Variants in RBM26 observed in about 807,000 individuals in gnomAD.
RBM26 encodes RNA binding motif protein 26.
Under a neutral mutation model 123.6 loss-of-function variants are expected in RBM26, and 30 were observed. The ratio of observed to expected loss-of-function variants is 0.24; its 90% CI spans 0.18 to 0.33. RBM26 has a LOEUF of 0.33. RBM26 is among the 10% of genes least tolerant of loss of function. The pLI is 1.00. For missense variants in RBM26, 947 were observed against 1,203.6 expected (o/e 0.79, Z 3.15); for synonymous variants, 400 against 404.4 (o/e 0.99, Z 0.13).
At chr13:79,362,403 T>A (rs544319224) in intron 9 of RBM26, among the ~76,000 whole-genome samples, 2 of 152,194 alleles carry the variant, frequency 1.3e-5, no homozygotes, top group African/African-American at 4.8e-5. Flanking sequence ...TCTAAAATTC[T>A]GTAAATGCTT....
intron 20 of RBM26, among the ~76,000 whole-genome samples, chr13:79,331,322 A>G (rs1413340968): frequency 6.6e-6 from 1 of 152,002 alleles, no homozygotes; most frequent in African/African-American, 2.4e-5. Flanking sequence ...CTTTTGATAT[A>G]AAAAATTGTA....
chr13:79,402,196 A>G (rs2079109065), intron 1 of RBM26, among the ~76,000 whole-genome samples: 1 of 152,144 alleles, frequency 6.6e-6, no homozygotes, highest in African/African-American at 2.4e-5. Flanking sequence ...AAAGACTAAC[A>G]TTTAGTTTCA....
chr13:79,386,478 A>G (rs961250276), intron 1 of RBM26, among the ~76,000 whole-genome samples: 5 of 151,532 alleles, frequency 3.3e-5, no homozygotes, highest in African/African-American at 1.2e-4. Flanking sequence ...TAACAAAACC[A>G]AAGTAAAAGT....
intron 3 of RBM26, chr13:79,376,842 C>A (rs2076703421): frequency 6.6e-6 from 1 of 152,580 alleles, no homozygotes; most frequent in Non-Finnish European, 1.5e-5. Context: ...AGGCTGGCTC[C>A]TGGGCACTTT....
intron 18 of RBM26, 121 bp from the exon 19 acceptor site, chr13:79,337,423 A>G: frequency 1.8e-6 from 2 of 1,126,224 alleles, no homozygotes; most frequent in Non-Finnish European, 2.5e-6. Flanking sequence ...AATGCCCTAT[A>G]AAAGGATCAC....
In RBM26 at chr13:79,396,652, A is replaced by G. The variant is rs551639769; in HGVS notation, c.71+9052T>C. ...CAGTCCCAGATGGCTTCACTGGTGA[A>G]GGATCCCAAAAATTTTAAGGAAAAA... On this transcript the variant is annotated intron_variant, in intron 1 of 21. Coordinates refer to ENST00000438737, the MANE Select transcript of RBM26 (RefSeq NM_001366735.2). 5.3e-5 allele frequency among the ~76,000 whole-genome samples: 8 copies of G among 151,030 alleles called. No homozygotes were observed. The South Asian group carries it at 1.7e-3, about 32-fold the overall frequency.
At chr13:79,366,429 T>C (rs138464467) in intron 7 of RBM26, among the ~76,000 whole-genome samples, 79 of 152,328 alleles carry the variant, frequency 5.2e-4, no homozygotes, top group Non-Finnish European at 9.0e-4. Context: ...TATACTTAAT[T>C]CACAGGGTCA....
chr13:79,325,091 G>C (rs1217099193), intron 20 of RBM26, among the ~76,000 whole-genome samples: 1 of 152,028 alleles, frequency 6.6e-6, no homozygotes, highest in Non-Finnish European at 1.5e-5. Flanking sequence ...GGTGATACTG[G>C]TGTAAACAAA....
chr13:79,329,404 C>T (rs1035313343), intron 20 of RBM26, among the ~76,000 whole-genome samples: 6 of 151,522 alleles, frequency 4.0e-5, no homozygotes, highest in African/African-American at 1.5e-4. Flanking sequence ...GTGATGGTAA[C>T]ATACTTAATA....
intron 18 of RBM26, among the ~76,000 whole-genome samples, chr13:79,340,438 T>C (rs2071179652): frequency 6.6e-6 from 1 of 152,034 alleles, no homozygotes; most frequent in Non-Finnish European, 1.5e-5. Flanking sequence ...AGCTAAATAA[T>C]CTAAAGTATA....
intron 9 of RBM26, among the ~76,000 whole-genome samples, chr13:79,362,821 A>G (rs2074856867): frequency 6.6e-6 from 1 of 152,194 alleles, no homozygotes; most frequent in African/African-American, 2.4e-5. Flanking sequence ...GTATTCTCTA[A>G]TTCGGAATCC....
intron 20 of RBM26, among the ~76,000 whole-genome samples, chr13:79,329,991 A>G (rs189032349): frequency 2.6e-5 from 4 of 152,330 alleles, no homozygotes; most frequent in African/African-American, 9.6e-5. Context: ...TGATACAGTG[A>G]CTGTGAATAG....
chr13:79,317,862 G>T (rs567686508), downstream of RBM26, among the ~76,000 whole-genome samples: 74 of 151,760 alleles, frequency 4.9e-4, no homozygotes, highest in African/African-American at 1.7e-3. Context: ...GGAGGTATTT[G>T]TCACTCTATG....
At chr13:79,375,077 G>T (rs1438841274) in intron 3 of RBM26, among the ~76,000 whole-genome samples, 49 of 86,652 alleles carry the variant, frequency 5.7e-4, no homozygotes, top group East Asian at 1.7e-3. Flanking sequence ...ATATTTATAT[G>T]ATATATATAA....
intron 1 of RBM26, among the ~76,000 whole-genome samples, chr13:79,390,485 G>A (rs960170177): frequency 1.3e-5 from 2 of 152,138 alleles, no homozygotes; most frequent in Non-Finnish European, 1.5e-5. Context: ...TCCAGGGCAA[G>A]GGTAATGTTA....
At chr13:79,400,444 CT>C (rs1471443277) in intron 1 of RBM26, among the ~76,000 whole-genome samples, 1 of 152,146 alleles carries the variant, frequency 6.6e-6, no homozygotes, top group Non-Finnish European at 1.5e-5. Context: ...AAAACCTAAC[CT>C]TTTATAAAGG....
chr13:79,317,279 A>G (rs2067238569), downstream of RBM26, among the ~76,000 whole-genome samples: 1 of 151,770 alleles, frequency 6.6e-6, no homozygotes, highest in South Asian at 2.1e-4. Context: ...GTTGTTTCCA[A>G]TGATAAAATG....
At chr13:79,331,077 C>G (rs1409058651) in intron 20 of RBM26, among the ~76,000 whole-genome samples, 1 of 152,080 alleles carries the variant, frequency 6.6e-6, no homozygotes, top group Non-Finnish European at 1.5e-5. Context: ...GTGGCATGAT[C>G]TCAGCTCGCT....
intron 20 of RBM26, 83 bp downstream of exon 20, chr13:79,334,261 A>G (rs2069930907): frequency 1.3e-6 from 1 of 766,378 alleles, no homozygotes; most frequent in Non-Finnish European, 2.1e-6. Flanking sequence ...TTAGTAAGTT[A>G]AAAAATTCAT....
Sources: allele counts gnomAD v4.1 joint callset (sites outside exome capture counted in the v4.1 genomes callset), GRCh38; gene constraint gnomAD v4.1.1; transcripts MANE v1.5; gene names NCBI Gene and HGNC (gene_info 2026-07-23, HGNC 2026-07-21).